TEX15: variants seen among roughly 807,000 people sequenced by gnomAD.
The protein encoded by TEX15 is testis expressed 15, meiosis and synapsis associated, also known as testis-expressed protein 15.
Under a neutral mutation model 237.3 loss-of-function variants are expected in TEX15, and 171 were observed. That is an observed-to-expected ratio of 0.72 (90% confidence interval 0.64 to 0.82). The LOEUF is 0.82. Ranked by LOEUF, TEX15 falls within the 40% of genes least tolerant of loss-of-function variation. TEX15 has a pLI of 0.00. For missense variants in TEX15, 3,750 were observed against 3,646.5 expected, an observed-to-expected ratio of 1.03 and a Z score of -0.73; for synonymous variants, 1,338 against 1,269.8, an observed-to-expected ratio of 1.05 and a Z score of -1.14.
intron 4 of TEX15, 88 bp downstream of exon 4, chr8:30,874,849 A>C (rs1397670169): frequency 1.9e-5 from 15 of 791,510 alleles, no homozygotes; most frequent in Admixed American, 1.7e-4. Context: ...AACTTACTAA[A>C]TCTCATATGG....
rs979104781 is a variant in TEX15 at position 30,899,605 on chromosome 8, C to T, written c.-85-788G>A. The stretch of plus-strand genomic sequence containing the variant: ...AGCTGGGATTACAGGCATGTGCCAC[C>T]GTGCCCGGCTAATTTTTGTATTTCT... On this transcript the variant is annotated intron_variant, in intron 1 of 10. Transcript: ENST00000643185. Among the ~76,000 whole-genome samples, 5 of 152,252 alleles carry T rather than the reference C, an allele frequency of 3.3e-5. No homozygotes were observed. The South Asian group carries it at 6.2e-4, about 19-fold the overall frequency.
intron 3 of TEX15, among the ~76,000 whole-genome samples, chr8:30,877,730 C>G (rs1269149606): frequency 6.6e-6 from 1 of 152,114 alleles, no homozygotes; most frequent in African/African-American, 2.4e-5. Flanking sequence ...ACCCAGTTTC[C>G]TCCAGTGGAA....
rs774513435 is a variant in TEX15, at chr8:30,843,650, C to T, written c.6517G>A (p.Val2173Ile). The T allele has an allele frequency of 1.2e-6, 2 of 1,612,482 alleles. No homozygotes were observed. Among genetic ancestry groups the T allele is most frequent in the Admixed American group, 3.3e-5 (2 of 59,856 alleles). Residue 2173 changes from valine (V) to isoleucine (I), a missense_variant, in exon 8 of 11, where the codon GTT becomes ATT. Coordinates refer to ENST00000643185, the MANE Select transcript of TEX15 (RefSeq NM_001350162.2). ...YYVFLKYKRQVNECEAIMEHC... is the reference protein window; with the variant it reads ...YYVFLKYKRQINECEAIMEHC... ...TCCATTATGGCTTCACATTCATTAACCTGTCGTTTGTACTTTAAGAATACA... is the reference window on the plus strand; with the variant it reads ...TCCATTATGGCTTCACATTCATTAATCTGTCGTTTGTACTTTAAGAATACA...
chr8:30,887,249 A>G lies in TEX15; in HGVS notation c.54T>C (p.Thr18=). 1 of 1,535,976 alleles carries G rather than the reference A, an allele frequency of 6.5e-7. No individual in the cohort carries two copies. The highest frequency in any genetic ancestry group is 1.2e-5 in the South Asian group (1 of 84,044). Residue 18 remains threonine (T), a synonymous_variant, in exon 3 of 11, where the codon ACT becomes ACC. Coordinates refer to ENST00000643185, the MANE Select transcript of TEX15 (RefSeq NM_001350162.2). ...CACGAGTATTCAACACGGGTTTGCT[A>G]GTTGAGCTCATTTGCCACAGTGTAT... ...KQDTLWQMSS[T]SKPVLNTREV... is the part of the protein sequence containing the mutation.
chr8:30,897,297 T>C (rs535615667), intron 2 of TEX15, among the ~76,000 whole-genome samples: 1 of 152,178 alleles, frequency 6.6e-6, no homozygotes, highest in South Asian at 2.1e-4. Context: ...TCCTACCACT[T>C]TCAGGCTCTA....
intron 10 of TEX15, 37 bp downstream of exon 10, chr8:30,836,766 C>T (rs1316635909): frequency 6.6e-7 from 1 of 1,518,490 alleles, no homozygotes; most frequent in East Asian, 2.3e-5. Context: ...TTAAAAGTAA[C>T]AACTCAATAA....
At position 30,845,980 on chromosome 8, in the gene TEX15, G is replaced by A; in HGVS notation, c.4187C>T (p.Thr1396Ile). Residue 1396 changes from threonine to isoleucine, a missense_variant, in exon 8 of 11, where the codon ACA becomes ATA. Thr to Ile is a moderately conservative substitution (Grantham distance 89). Coordinates refer to ENST00000643185, the MANE Select transcript of TEX15 (RefSeq NM_001350162.2). Reference sequence around the variant, plus strand: ...TACTTTAGTTATAAGCTGCAAAGATGTGTGAACTCTTCTATGAGCTTTTTT... The same window carrying A: ...TACTTTAGTTATAAGCTGCAAAGATATGTGAACTCTTCTATGAGCTTTTTT... ...HLKKAHRRVH[T>I]SLQLITKVGE... The A allele has an allele frequency of 1.2e-6, 2 of 1,613,062 alleles. No individual in the cohort carries two copies. Among genetic ancestry groups the A allele is most frequent in the Non-Finnish European group, 8.5e-7 (1 of 1,179,518 alleles).
At chr8:30,873,973 A>T (rs1255632331) in intron 4 of TEX15, among the ~76,000 whole-genome samples, 1 of 152,194 alleles carries the variant, frequency 6.6e-6, no homozygotes, top group Non-Finnish European at 1.5e-5. Flanking sequence ...GTTTGAAAGG[A>T]CAAAAATTTT....
rs1807670488 is a variant in TEX15, at chr8:30,848,190, G to A, written c.1977C>T (p.Tyr659=). Reference sequence around the variant, plus strand: ...CTTTGTATTCTTGGTGCAAAACAATGTAATTATCTATTGGACTGATTTTTG... The same window carrying A: ...CTTTGTATTCTTGGTGCAAAACAATATAATTATCTATTGGACTGATTTTTG... ...NETKISPIDN[Y]IVLHQEYKES... Residue 659 remains tyrosine (Y), a synonymous_variant, in exon 8 of 11, where the codon TAC becomes TAT. Transcript: ENST00000643185. The A allele has an allele frequency of 6.2e-6, 10 of 1,611,720 alleles. No homozygotes were observed. The East Asian group carries it at 2.0e-4, about 32-fold the overall frequency.
At chr8:30,880,486 G>A (rs955587172) in intron 3 of TEX15, among the ~76,000 whole-genome samples, 1 of 152,160 alleles carries the variant, frequency 6.6e-6, no homozygotes, top group Non-Finnish European at 1.5e-5. Context: ...CCTTAAGACT[G>A]CATGACCAAC....
At position 30,843,223 on chromosome 8, in the gene TEX15, T is replaced by C. The variant is rs768929739; in HGVS notation, c.6944A>G (p.Tyr2315Cys). ...GTTTAAATCTTTAGACAAAGTATCA[T>C]ATATCTTCTGCAACTTAGAAAAGGC... ...KCAFSKLQKIYDTLSKDLNNE... is the reference protein window; with the variant it reads ...KCAFSKLQKICDTLSKDLNNE... The change falls in exon 8 of 11, where the codon TAT becomes TGT. Residue 2315 changes from tyrosine to cysteine, a missense_variant. By Grantham distance (194) the Tyr-to-Cys change is radical (BLOSUM62 -2). Transcript: ENST00000643185. 1 of 1,613,490 alleles carries C rather than the reference T, an allele frequency of 6.2e-7. No homozygotes were observed. The highest frequency in any genetic ancestry group is 1.7e-4 in the Middle Eastern group (1 of 6,044).
rs1159122260 is a variant in TEX15 at position 30,845,138 on chromosome 8, T to C, written c.5029A>G (p.Lys1677Glu). The change falls in exon 8 of 11, where the codon AAA (lysine) becomes GAA (glutamate). Residue 1677 changes from lysine (K) to glutamate (E), a missense_variant. By Grantham distance (56) the Lys-to-Glu change is moderately conservative (BLOSUM62 1). Coordinates refer to ENST00000643185, the MANE Select transcript of TEX15 (RefSeq NM_001350162.2). ...QQGNLILSDC[K>E]RNLEVKWTDP... is the part of the protein sequence containing the mutation. Reference sequence around the variant, plus strand: ...GTCCACTTTACTTCCAGGTTTCTTTTACAATCAGATAAAATAAGGTTACCT... The same window carrying C: ...GTCCACTTTACTTCCAGGTTTCTTTCACAATCAGATAAAATAAGGTTACCT... 2.6e-5 allele frequency: 42 copies of C among 1,613,388 alleles called. No homozygotes were observed. Among genetic ancestry groups the C allele is most frequent in the Non-Finnish European group, 3.3e-5 (39 of 1,179,496 alleles).
intron 3 of TEX15, 30 bp downstream of exon 3, chr8:30,887,137 T>C (rs1379449279): frequency 1.3e-6 from 2 of 1,511,592 alleles, no homozygotes; most frequent in African/African-American, 2.8e-5. Context: ...TAATAGTTAC[T>C]AAAAAAATTC....
In TEX15 at chr8:30,844,620, T is replaced by C; in HGVS notation, c.5547A>G (p.Gln1849=). ...TEDRITWKVK[Q]AEKAKDSVYK... ...AAACAGAATCTTTTGCTTTTTCCGC[T>C]TGTTTAACTTTCCACGTTATTCTGT... Residue 1849 remains glutamine, a synonymous_variant, in exon 8 of 11, where the codon CAA becomes CAG. Coordinates refer to ENST00000643185, the MANE Select transcript of TEX15 (RefSeq NM_001350162.2). The C allele has an allele frequency of 1.2e-6, 2 of 1,613,440 alleles. No individual in the cohort carries two copies. The highest frequency in any genetic ancestry group is 1.7e-6 in the Non-Finnish European group (2 of 1,179,624).
chr8:30,847,986 G>A lies in TEX15; in HGVS notation c.2181C>T (p.His727=). 2.5e-6 allele frequency: 4 copies of A among 1,613,862 alleles called. No individual in the cohort carries two copies. Among genetic ancestry groups the A allele is most frequent in the Non-Finnish European group, 3.4e-6 (4 of 1,179,818 alleles). Residue 727 remains histidine, a synonymous_variant, in exon 8 of 11, where the codon CAC becomes CAT. Transcript: ENST00000643185. ...GAATGTTACCCTCATACTCCACAGA[G>A]TGCTGAGGATGCTTTTGTGACAGGC... is the stretch of plus-strand genomic sequence containing the variant. ...FESLSQKHPQ[H]SVEYEGNIHT... is the part of the protein sequence containing the mutation.
rs149266190 is a variant in TEX15, at chr8:30,837,140, C to G, written c.9144G>C (p.Gln3048His). ...SYPYSAWCVY[Q>H]YSNSNGNAIT... ...TGGCATTGCCATTGCTGTTGCTGTA[C>G]TGATAAACACACCAAGCAGAGTATG... Residue 3048 changes from glutamine (Q) to histidine (H), a missense_variant, in exon 10 of 11, where the codon CAG becomes CAC. Coordinates refer to ENST00000643185, the MANE Select transcript of TEX15 (RefSeq NM_001350162.2). The G allele has an allele frequency of 3.1e-4, 499 of 1,613,856 alleles. No homozygotes were observed. The highest frequency in any genetic ancestry group is 4.1e-4 in the Non-Finnish European group (478 of 1,179,914).
chr8:30,871,329 C>T (rs777520405), intron 4 of TEX15, among the ~76,000 whole-genome samples: 8 of 151,990 alleles, frequency 5.3e-5, no homozygotes, highest in Non-Finnish European at 1.0e-4. Flanking sequence ...CTCAATGATA[C>T]GAAGAACTTG....
rs749701345 is a variant in TEX15 at position 30,845,970 on chromosome 8, C to T, written c.4197G>A (p.Gln1399=). The change falls in exon 8 of 11, where the codon CAG becomes CAA. Residue 1399 remains glutamine (Q), a synonymous_variant. Coordinates refer to ENST00000643185, the MANE Select transcript of TEX15 (RefSeq NM_001350162.2). The part of the protein sequence containing the change: ...KAHRRVHTSL[Q]LITKVGEERK... ...TTTCTTCTCCTACTTTAGTTATAAG[C>T]TGCAAAGATGTGTGAACTCTTCTAT... The T allele has an allele frequency of 6.2e-6, 10 of 1,612,920 alleles. No individual in the cohort carries two copies. The Admixed American group carries it at 1.7e-4, about 27-fold the overall frequency.
rs1347744540 is a variant in TEX15 at position 30,837,205 on chromosome 8, T to C, written c.9079A>G (p.Thr3027Ala). 4.3e-6 allele frequency: 7 copies of C among 1,613,968 alleles called. No homozygotes were observed. Among genetic ancestry groups the C allele is most frequent in the Non-Finnish European group, 5.9e-6 (7 of 1,180,028 alleles). Residue 3027 changes from threonine to alanine, a missense_variant, in exon 10 of 11, where the codon ACA becomes GCA. Transcript: ENST00000643185. Reference protein sequence around the residue: ...NELPQSACNPTYNSSEHLFGT... With the variant: ...NELPQSACNPAYNSSEHLFGT... ...AATAAATGCTCAGAAGAATTATATG[T>C]TGGGTTACATGCAGACTGTGGAAGT... is the stretch of plus-strand genomic sequence containing the variant.
Sources: gnomAD v4.1 joint callset for allele counts (sites outside exome capture counted in the v4.1 genomes callset) on GRCh38, gnomAD v4.1.1 for gene constraint, MANE v1.5 for transcripts, NCBI Gene and HGNC (gene_info 2026-07-23, HGNC 2026-07-21) for gene names.